MAP2: variants seen among roughly 807,000 people sequenced by gnomAD.
The protein encoded by MAP2 is microtubule associated protein 2.
MAP2 carries 14 observed loss-of-function variants against 137.6 expected under a neutral mutation model. The observed-to-expected ratio is 0.10, with a 90% CI of 0.07 to 0.16. The LOEUF is 0.16. Ranked by LOEUF, MAP2 falls within the 10% of genes least tolerant of loss-of-function variation. The probability of loss-of-function intolerance (pLI) is 1.00; values close to 1 mark genes in which losing one functional copy is unlikely to be tolerated. For synonymous variants in MAP2, 786 were observed against 782.3 expected (o/e 1.00, Z -0.08); for missense variants, 2,088 against 2,191.5 (o/e 0.95, Z 0.94).
chr2:209,551,852 T>A (rs1039974522), intron 2 of MAP2, among the ~76,000 whole-genome samples: 4 of 152,188 alleles, frequency 2.6e-5, no homozygotes, highest in Admixed American at 2.0e-4. Flanking sequence ...CATAATGATC[T>A]TGTGAAGTAG....
intron 2 of MAP2, among the ~76,000 whole-genome samples, chr2:209,563,809 C>T (rs1417047160): frequency 6.6e-6 from 1 of 152,126 alleles, no homozygotes; most frequent in Non-Finnish European, 1.5e-5. Flanking sequence ...GTCTTATTCA[C>T]TTTATACTTT....
Position 209,440,747 on chromosome 2 carries a change from A to G in MAP2, c.-222+16471A>G, listed in dbSNP as rs192328288. Among the ~76,000 whole-genome samples, 81 of 151,560 alleles carry G rather than the reference A, an allele frequency of 5.3e-4. No individual in the cohort carries two copies. The South Asian group carries it at 5.6e-3, about 10-fold the overall frequency. On this transcript the variant is annotated intron_variant, in intron 1 of 15. Coordinates refer to ENST00000682079, the MANE Select transcript of MAP2 (RefSeq NM_001375505.1). Reference sequence around the variant, plus strand: ...CCTTTCAGAGGAAACAAATCTATCCACAGTGAACACTTACTTTATATTCAG... The same window carrying G: ...CCTTTCAGAGGAAACAAATCTATCCGCAGTGAACACTTACTTTATATTCAG...
intron 2 of MAP2, among the ~76,000 whole-genome samples, chr2:209,559,971 A>T (rs2071621814): frequency 6.6e-6 from 1 of 152,212 alleles, no homozygotes; most frequent in African/African-American, 2.4e-5. Flanking sequence ...CATGACTATG[A>T]TTAGTGCTAT....
chr2:209,597,155 G>A (rs754368208), intron 3 of MAP2, among the ~76,000 whole-genome samples: 1 of 152,112 alleles, frequency 6.6e-6, no homozygotes, highest in Non-Finnish European at 1.5e-5. Context: ...AGTGACTGGA[G>A]CTTCAGCAGC....
intron 4 of MAP2, among the ~76,000 whole-genome samples, chr2:209,640,222 C>A (rs1484313997): frequency 6.6e-6 from 1 of 152,000 alleles, no homozygotes; most frequent in East Asian, 1.9e-4. Context: ...ACAGCATGTA[C>A]CACACTGTAT....
At chr2:209,469,299 A>G (rs1705029170) in intron 1 of MAP2, among the ~76,000 whole-genome samples, 2 of 152,144 alleles carry the variant, frequency 1.3e-5, no homozygotes, top group South Asian at 4.1e-4. Context: ...ACTAGATACG[A>G]TATGTTCCAT....
intron 13 of MAP2, among the ~76,000 whole-genome samples, chr2:209,712,065 A>T (rs181016634): frequency 1.3e-5 from 2 of 152,260 alleles, no homozygotes; most frequent in South Asian, 2.1e-4. Context: ...ATTTTATAAT[A>T]TATGATTTTC....
At chr2:209,506,397 C>T (rs987330487) in intron 1 of MAP2, among the ~76,000 whole-genome samples, 1 of 152,124 alleles carries the variant, frequency 6.6e-6, no homozygotes, top group African/African-American at 2.4e-5. Context: ...TTGGGCTTAG[C>T]ATAGGAGTCT....
chr2:209,718,965 A>T (rs1413173174), intron 13 of MAP2, among the ~76,000 whole-genome samples: 1 of 152,150 alleles, frequency 6.6e-6, no homozygotes, highest in Non-Finnish European at 1.5e-5. Context: ...TTACTATAGG[A>T]TACTTGAGGA....
Position 209,639,832 on chromosome 2 carries a change from A to G in MAP2, c.-29-13310A>G, listed in dbSNP as rs559205746. On this transcript the variant is annotated intron_variant, in intron 4 of 15. Coordinates refer to ENST00000682079, the MANE Select transcript of MAP2 (RefSeq NM_001375505.1). ...TGTTGTGGAGCCTACTCTGTGCCAC[A>G]CACTGTACTTGGTGCTGGAGGTCAG... 2.0e-5 allele frequency among the ~76,000 whole-genome samples: 3 copies of G among 151,872 alleles called. No homozygotes were observed. The East Asian group carries it at 5.8e-4, about 30-fold the overall frequency.
intron 2 of MAP2, among the ~76,000 whole-genome samples, chr2:209,516,502 A>G (rs983862916): frequency 1.3e-5 from 2 of 152,106 alleles, no homozygotes; most frequent in African/African-American, 2.4e-5. Context: ...TATTAGACCA[A>G]TAGAGGAGAA....
chr2:209,484,758 A>G lies in MAP2; in HGVS notation c.-221-22834A>G, dbSNP rs1024581467. Reference sequence around the variant, plus strand: ...GCTTGGGGGCAAATTACTGCAAGTCAGCAAATACTTATTTTGTGCTTTTAT... The same window carrying G: ...GCTTGGGGGCAAATTACTGCAAGTCGGCAAATACTTATTTTGTGCTTTTAT... On this transcript the variant is annotated intron_variant, in intron 1 of 15. Transcript: ENST00000682079. Among the ~76,000 whole-genome samples, 12 of 152,334 alleles carry G rather than the reference A, an allele frequency of 7.9e-5. No homozygotes were observed. In the East Asian group the frequency reaches 1.7e-3, roughly 22 times the overall value.
intron 14 of MAP2, among the ~76,000 whole-genome samples, chr2:209,726,329 A>G (rs960446367): frequency 1.3e-5 from 2 of 152,202 alleles, no homozygotes; most frequent in African/African-American, 4.8e-5. Flanking sequence ...TGGTTTTTCA[A>G]AATATCTCAT....
intron 11 of MAP2, among the ~76,000 whole-genome samples, chr2:209,703,406 G>C (rs542710864): frequency 2.0e-5 from 3 of 151,956 alleles, no homozygotes; most frequent in African/African-American, 7.2e-5. Flanking sequence ...CACCTTAAAG[G>C]CTGTGTTTAT....
intron 2 of MAP2, among the ~76,000 whole-genome samples, chr2:209,539,401 A>G (rs1370840715): frequency 3.9e-5 from 6 of 152,222 alleles, no homozygotes; most frequent in African/African-American, 1.4e-4. Flanking sequence ...TTATGACATG[A>G]GTCAGAACAG....
At position 209,424,744 on chromosome 2, in the gene MAP2, T is replaced by C. The variant is rs190097423; in HGVS notation, c.-222+468T>C. 5.3e-5 allele frequency among the ~76,000 whole-genome samples: 8 copies of C among 152,296 alleles called. No individual in the cohort carries two copies. The East Asian group carries it at 1.2e-3, about 22-fold the overall frequency. ...GAGTGAGTGAGGGAAGCCTTGTCCATTTCAAATCATGTTTCTCTGTAATTC... is the reference window on the plus strand; with the variant it reads ...GAGTGAGTGAGGGAAGCCTTGTCCACTTCAAATCATGTTTCTCTGTAATTC... On this transcript the variant is annotated intron_variant, in intron 1 of 15. Coordinates refer to ENST00000682079, the MANE Select transcript of MAP2 (RefSeq NM_001375505.1).
At position 209,709,951 on chromosome 2, in the gene MAP2, C is replaced by G. The variant is rs377028684; in HGVS notation, c.4770C>G (p.Thr1590=). Residue 1590 remains threonine (T), a synonymous_variant, in exon 13 of 16, where the codon ACC becomes ACG. Coordinates refer to ENST00000682079, the MANE Select transcript of MAP2 (RefSeq NM_001375505.1). ...EPIRRAGKSG[T]STPTTPGSTA... The stretch of plus-strand genomic sequence containing the variant: ...TTCGCAGAGCAGGGAAGAGTGGTAC[C>G]TCAACACCCACTACCCCTGGGTCTA... 3.1e-6 allele frequency: 5 copies of G among 1,613,826 alleles called. No individual in the cohort carries two copies. The highest frequency in any genetic ancestry group is 2.5e-6 in the Non-Finnish European group (3 of 1,179,906).
intron 5 of MAP2, among the ~76,000 whole-genome samples, chr2:209,676,720 CAT>C (rs56283066): frequency 2.8e-3 from 201 of 71,594 alleles, no homozygotes; most frequent in African/African-American, 4.1e-3. Context: ...ACACAAAGGT[CAT>C]ATATATATAT....
chr2:209,601,858 A>C (rs1343976422), intron 3 of MAP2, among the ~76,000 whole-genome samples: 1 of 152,220 alleles, frequency 6.6e-6, no homozygotes, highest in Non-Finnish European at 1.5e-5. Context: ...TGATTTTTAA[A>C]GTCTCACCCT....
Sources: allele counts gnomAD v4.1 joint callset (sites outside exome capture counted in the v4.1 genomes callset), GRCh38; gene constraint gnomAD v4.1.1; transcripts MANE v1.5; gene names NCBI Gene and HGNC (gene_info 2026-07-23, HGNC 2026-07-21).